KPNA4: variants seen among roughly 807,000 people sequenced by gnomAD.
KPNA4 encodes the protein importin subunit alpha-3.
KPNA4 carries 13 observed loss-of-function variants against 71.3 expected under a neutral mutation model. That is an observed-to-expected ratio of 0.18 (90% CI 0.12 to 0.29). The LOEUF is 0.29. Ranked by LOEUF, KPNA4 falls within the 10% of genes least tolerant of loss-of-function variation. KPNA4 has a pLI of 1.00. For missense variants in KPNA4, 334 were observed against 603.2 expected (o/e 0.55, Z 4.67); for synonymous variants, 189 against 195.2 (o/e 0.97, Z 0.26).
chr3:160,518,858 C>T (rs913348288), intron 11 of KPNA4, among the ~76,000 whole-genome samples: 4 of 152,010 alleles, frequency 2.6e-5, no homozygotes, highest in African/African-American at 9.7e-5. Context: ...AAGACTCTCA[C>T]ACACACACAC....
At chr3:160,522,349 G>GT (rs1158022971) in intron 10 of KPNA4, among the ~76,000 whole-genome samples, 6 of 152,324 alleles carry the variant, frequency 3.9e-5, no homozygotes, top group African/African-American at 1.4e-4. Context: ...CTCTAGTATT[G>GT]TAAGTACCAT....
intron 1 of KPNA4, among the ~76,000 whole-genome samples, chr3:160,557,613 A>G (rs966293171): frequency 6.6e-6 from 1 of 152,234 alleles, no homozygotes. Context: ...GGAAAAAATG[A>G]CAGGTGACTA....
chr3:160,564,877 G>C (rs984361345), intron 1 of KPNA4, among the ~76,000 whole-genome samples: 3 of 149,180 alleles, frequency 2.0e-5, no homozygotes, highest in African/African-American at 7.3e-5. Context: ...CCCGGCCGGG[G>C]CAGCACCGGC....
At chr3:160,550,447 T>G (rs1389003392) in intron 1 of KPNA4, among the ~76,000 whole-genome samples, 8 of 152,172 alleles carry the variant, frequency 5.3e-5, no homozygotes, top group Non-Finnish European at 1.0e-4. Flanking sequence ...TTTTTCTTTG[T>G]AGAGACAGGG....
chr3:160,541,867 T>C (rs1721805937), intron 1 of KPNA4, among the ~76,000 whole-genome samples: 1 of 152,130 alleles, frequency 6.6e-6, no homozygotes, highest in Admixed American at 6.5e-5. Context: ...CTTAGTAAAA[T>C]AGTAATAAGG....
intron 1 of KPNA4, among the ~76,000 whole-genome samples, chr3:160,551,635 A>G (rs1560055658): frequency 6.6e-6 from 1 of 152,114 alleles, no homozygotes; most frequent in Admixed American, 6.5e-5. Context: ...TCAACTAAAA[A>G]GGTAAGAATT....
chr3:160,505,151 A>C, intron 15 of KPNA4, 99 bp from the exon 16 acceptor site: 1 of 501,536 alleles, frequency 2.0e-6, no homozygotes, highest in Non-Finnish European at 3.2e-6. Context: ...CTGAATCGCA[A>C]ATTTTTTGAA....
intron 1 of KPNA4, among the ~76,000 whole-genome samples, chr3:160,558,440 C>A (rs567930440): frequency 6.6e-6 from 1 of 152,302 alleles, no homozygotes; most frequent in East Asian, 1.9e-4. Flanking sequence ...TCTGCATGTA[C>A]TTTATGCTAG....
chr3:160,519,780 C>A (rs375960113), intron 11 of KPNA4, among the ~76,000 whole-genome samples: 2 of 120,012 alleles, frequency 1.7e-5, no homozygotes, highest in African/African-American at 6.6e-5. Flanking sequence ...CCGGCCTGGG[C>A]GACAGAGCGA....
intron 11 of KPNA4, 80 bp from the exon 12 acceptor site, chr3:160,515,660 G>A: frequency 2.0e-6 from 3 of 1,509,308 alleles, no homozygotes; most frequent in Non-Finnish European, 2.7e-6. Flanking sequence ...TGTCGCCCAG[G>A]GTAGAGTGCA....
Position 160,505,455 on chromosome 3 carries a change from G to A in KPNA4, c.1373-403C>T, listed in dbSNP as rs886225935. ...CGTATGAAAATAAATTTAAAATACT[G>A]GTGATTAATAAATATGATGCTTAAG... On this transcript the variant is annotated intron_variant, in intron 15 of 16. Coordinates refer to ENST00000334256, the MANE Select transcript of KPNA4 (RefSeq NM_002268.5). Among the ~76,000 whole-genome samples the A allele has an allele frequency of 3.9e-5, 6 of 151,970 alleles. No individual in the cohort carries two copies. The South Asian group carries it at 8.3e-4, about 21-fold the overall frequency.
chr3:160,546,272 C>G (rs1341920307), intron 1 of KPNA4, among the ~76,000 whole-genome samples: 1 of 152,162 alleles, frequency 6.6e-6, no homozygotes, highest in Non-Finnish European at 1.5e-5. Flanking sequence ...AATTCCAGTA[C>G]TTTGGGAGGC....
intron 1 of KPNA4, among the ~76,000 whole-genome samples, chr3:160,548,821 G>C (rs1332510233): frequency 6.6e-6 from 1 of 152,162 alleles, no homozygotes; most frequent in African/African-American, 2.4e-5. Context: ...TGGAATTGCT[G>C]GGTCATATAA....
At chr3:160,554,572 G>T (rs1722099632) in intron 1 of KPNA4, among the ~76,000 whole-genome samples, 1 of 152,262 alleles carries the variant, frequency 6.6e-6, no homozygotes, top group South Asian at 2.1e-4. Context: ...ACTCGGGGGG[G>T]CCCTAGATAG....
In KPNA4 at chr3:160,565,426, C is replaced by T. The variant is rs1219853636; in HGVS notation, c.-144G>A. On this transcript the variant is annotated 5_prime_UTR_variant, in exon 1 of 17. Coordinates refer to ENST00000334256, the MANE Select transcript of KPNA4 (RefSeq NM_002268.5). ...CCGCTTCCTTCCTCCTCTCACCTGC[C>T]TCCGCCGCGGCCTTCTCCTCTCCCC... 1.5e-6 allele frequency: 1 copy of T among 654,850 alleles called. No homozygotes were observed. The highest frequency in any genetic ancestry group is 2.6e-6 in the Non-Finnish European group (1 of 381,112). The allele number at this position is 654,850 out of a possible 1,614,324, so 40.6% of individuals were successfully genotyped here.
At chr3:160,549,173 T>C (rs1471035028) in intron 1 of KPNA4, among the ~76,000 whole-genome samples, 1 of 152,212 alleles carries the variant, frequency 6.6e-6, no homozygotes. Context: ...GTTCTTTATA[T>C]ATTCTGGATA....
At chr3:160,509,666 G>A (rs773804006) in intron 14 of KPNA4, 134 bp downstream of exon 14, 206 of 673,306 alleles carry the variant, frequency 3.1e-4, no homozygotes, top group African/African-American at 1.1e-3. Flanking sequence ...CCCTGGCCTC[G>A]GGTGATCCTC....
chr3:160,525,071 C>G (rs2108549975), intron 10 of KPNA4, among the ~76,000 whole-genome samples: 1 of 152,328 alleles, frequency 6.6e-6, no homozygotes, highest in South Asian at 2.1e-4. Context: ...CTGGCTTTTA[C>G]AAGCACTCAG....
intron 1 of KPNA4, among the ~76,000 whole-genome samples, chr3:160,561,370 T>C (rs765251178): frequency 2.6e-5 from 4 of 151,598 alleles, no homozygotes; most frequent in Non-Finnish European, 5.9e-5. Flanking sequence ...ACCCATTTCC[T>C]GTGTTGCACT....
Sources: gnomAD v4.1 joint callset for allele counts (sites outside exome capture counted in the v4.1 genomes callset) on GRCh38, gnomAD v4.1.1 for gene constraint, MANE v1.5 for transcripts, NCBI Gene and HGNC (gene_info 2026-07-23, HGNC 2026-07-21) for gene names.